CDH13: variants seen among roughly 807,000 people sequenced by gnomAD.
CDH13 encodes cadherin 13.
Under a neutral mutation model 63.8 loss-of-function variants are expected in CDH13, and 24 were observed. The ratio of observed to expected loss-of-function variants is 0.38; its 90% confidence interval spans 0.27 to 0.53. The LOEUF is 0.53. Ranked by LOEUF, CDH13 falls within the 20% of genes least tolerant of loss-of-function variation. The pLI is 0.85. For synonymous variants in CDH13, 503 were observed against 355.3 expected (o/e 1.42, Z -4.67); for missense variants, 1,049 against 903.1 (o/e 1.16, Z -2.07).
chr16:82,686,099 C>T (rs1271041025), intron 1 of CDH13, among the ~76,000 whole-genome samples: 1 of 152,196 alleles, frequency 6.6e-6, no homozygotes, highest in Non-Finnish European at 1.5e-5. Flanking sequence ...CCACACCCTT[C>T]TCAGAAATTT....
chr16:82,644,284 C>T lies in CDH13; in HGVS notation c.45+17147C>T, dbSNP rs4577080. Among the ~76,000 whole-genome samples, 1 of 151,996 alleles carries T rather than the reference C, an allele frequency of 6.6e-6. No individual in the cohort carries two copies. The highest frequency in any genetic ancestry group is 2.4e-5 in the African/African-American group (1 of 41,398). ...GAAAGGAGCTCCCACTTCTTACATT[C>T]AGTGCTCATCACTCTGCAAATCAAG... On this transcript the variant is annotated intron_variant, in intron 1 of 13. Coordinates refer to ENST00000567109, the MANE Select transcript of CDH13 (RefSeq NM_001257.5). The surrounding 1 kb of genome is among the most constrained non-coding windows in gnomAD (Gnocchi z 5.7).
intron 1 of CDH13, among the ~76,000 whole-genome samples, chr16:82,813,019 T>C (rs1383455717): frequency 1.3e-5 from 2 of 152,232 alleles, no homozygotes; most frequent in East Asian, 3.9e-4. Flanking sequence ...GTTGAATCAA[T>C]GAAAAACTGA....
chr16:83,026,794 T>A (rs932113380), intron 2 of CDH13, among the ~76,000 whole-genome samples: 1 of 152,156 alleles, frequency 6.6e-6, no homozygotes, highest in Non-Finnish European at 1.5e-5. Context: ...AAGCATCACT[T>A]CATTCAAAAT....
chr16:83,576,053 G>A (rs930833363), intron 7 of CDH13, among the ~76,000 whole-genome samples: 1 of 152,184 alleles, frequency 6.6e-6, no homozygotes, highest in Non-Finnish European at 1.5e-5. Flanking sequence ...AAGTTGAGTG[G>A]CATTTAGTAC....
intron 2 of CDH13, among the ~76,000 whole-genome samples, chr16:82,912,050 A>G (rs571031705): frequency 6.6e-6 from 1 of 152,002 alleles, no homozygotes; most frequent in African/African-American, 2.4e-5. Flanking sequence ...CCACGGCTCT[A>G]ATTCCACGGC....
chr16:83,305,012 C>A (rs114483870), intron 5 of CDH13, among the ~76,000 whole-genome samples: 38 of 152,272 alleles, frequency 2.5e-4, no homozygotes, highest in African/African-American at 8.7e-4. Flanking sequence ...GAGCCATATA[C>A]GCATTCCCCA....
intron 2 of CDH13, among the ~76,000 whole-genome samples, chr16:82,927,790 A>G (rs539997337): frequency 6.6e-6 from 1 of 152,348 alleles, no homozygotes; most frequent in South Asian, 2.1e-4. Flanking sequence ...CACCCTGCCT[A>G]ACACACAGCC....
chr16:83,301,113 C>T (rs1050502931), intron 5 of CDH13, among the ~76,000 whole-genome samples: 1 of 137,410 alleles, frequency 7.3e-6, no homozygotes, highest in Non-Finnish European at 1.5e-5. Context: ...CTCACTGCAA[C>T]CTCTGCCTCC....
chr16:83,691,594 G>T (rs572041173), intron 10 of CDH13, among the ~76,000 whole-genome samples: 51 of 152,192 alleles, frequency 3.4e-4, no homozygotes, highest in African/African-American at 1.2e-3. Flanking sequence ...GGGCAGGTGG[G>T]TCACAAGGTC....
At chr16:83,517,169 G>A (rs764285900) in intron 7 of CDH13, among the ~76,000 whole-genome samples, 1 of 152,204 alleles carries the variant, frequency 6.6e-6, no homozygotes, top group Admixed American at 6.5e-5. Context: ...GTGACTGTAA[G>A]AGGTTCCAGA....
At chr16:83,426,413 T>C (rs1457032775) in intron 6 of CDH13, among the ~76,000 whole-genome samples, 1 of 152,122 alleles carries the variant, frequency 6.6e-6, no homozygotes, top group Non-Finnish European at 1.5e-5. Context: ...CCAACTACTC[T>C]AATTCCAATA....
intron 7 of CDH13, among the ~76,000 whole-genome samples, chr16:83,519,721 C>T (rs1239958472): frequency 1.3e-5 from 2 of 152,074 alleles, no homozygotes; most frequent in Non-Finnish European, 1.5e-5. Flanking sequence ...TGCTCTAGGG[C>T]AATGGTGCGG....
intron 7 of CDH13, among the ~76,000 whole-genome samples, chr16:83,523,964 A>T (rs1859949779): frequency 6.6e-6 from 1 of 152,198 alleles, no homozygotes; most frequent in African/African-American, 2.4e-5. Flanking sequence ...CTGGGCAACC[A>T]AAGTCCCCAG....
chr16:83,079,900 T>C (rs2033116813), intron 3 of CDH13, among the ~76,000 whole-genome samples: 1 of 152,242 alleles, frequency 6.6e-6, no homozygotes, highest in Non-Finnish European at 1.5e-5. Context: ...AGCTTATTTC[T>C]AATTTCAGCC....
At position 82,700,964 on chromosome 16, in the gene CDH13, C is replaced by G. The variant is rs866619119; in HGVS notation, c.45+73827C>G. Among the ~76,000 whole-genome samples the G allele has an allele frequency of 4.7e-4, 19 of 40,000 alleles. 3 individuals carry two copies. Among genetic ancestry groups the G allele is most frequent in the African/African-American group, 8.4e-4 (12 of 14,308 alleles). The allele number at this position is 40,000 out of a possible 152,430, so 26.2% of individuals were successfully genotyped here. ...GTAAGTGCTGGAACCCGCCCCCCCC[C>G]CCCCCCCCCCGCCCCGGGCATCTCC... is the stretch of plus-strand genomic sequence containing the variant. On this transcript the variant is annotated intron_variant, in intron 1 of 13. Coordinates refer to ENST00000567109, the MANE Select transcript of CDH13 (RefSeq NM_001257.5).
intron 1 of CDH13, among the ~76,000 whole-genome samples, chr16:82,696,052 A>G (rs1361794759): frequency 6.6e-6 from 1 of 152,178 alleles, no homozygotes; most frequent in Non-Finnish European, 1.5e-5. Flanking sequence ...TTCGGGTGAC[A>G]TCTACTTTCT....
At position 83,404,139 on chromosome 16, in the gene CDH13, G is replaced by A. The variant is rs140972404; in HGVS notation, c.781+59133G>A. On this transcript the variant is annotated intron_variant, in intron 6 of 13. Coordinates refer to ENST00000567109, the MANE Select transcript of CDH13 (RefSeq NM_001257.5). The stretch of plus-strand genomic sequence containing the variant: ...TCAGAAAATTCTGAAGAAGTTTCTC[G>A]CCTCCATGAATGCTTAAAGAGTCAA... 3.5e-3 allele frequency among the ~76,000 whole-genome samples: 537 copies of A among 152,264 alleles called. 7 individuals carry two copies. The highest frequency in any genetic ancestry group is 0.012 in the African/African-American group (515 of 41,548).
chr16:82,695,203 A>T (rs1049259496), intron 1 of CDH13, among the ~76,000 whole-genome samples: 1 of 152,156 alleles, frequency 6.6e-6, no homozygotes, highest in Non-Finnish European at 1.5e-5. Flanking sequence ...GCCTGGGGCA[A>T]TGAGGAGGCT....
intron 8 of CDH13, among the ~76,000 whole-genome samples, chr16:83,669,350 A>C (rs541923727): frequency 6.6e-6 from 1 of 152,198 alleles, no homozygotes; most frequent in Admixed American, 6.5e-5. Context: ...GGGAGATTCT[A>C]ATGTGCAGAC....
Sources: allele counts gnomAD v4.1 joint callset (sites outside exome capture counted in the v4.1 genomes callset), GRCh38; gene constraint gnomAD v4.1.1; non-coding constraint Gnocchi (gnomAD v3.1); transcripts MANE v1.5; gene names NCBI Gene and HGNC (gene_info 2026-07-23, HGNC 2026-07-21).